The following LRAT variants were observed in gnomAD, a reference collection of about 807,000 sequenced individuals.
LRAT encodes the protein lecithin retinol acyltransferase (phosphatidylcholine--retinol O-acyltransferase).
Under a neutral mutation model 14.2 loss-of-function variants are expected in LRAT, and 11 were observed. The observed-to-expected ratio is 0.78, with a 90% CI of 0.49 to 1.29. The LOEUF (loss-of-function observed/expected upper bound fraction) is 1.29. Ranked by LOEUF, LRAT falls within the 50% of genes most tolerant of loss-of-function variation. The pLI is 0.00. For missense variants in LRAT, 274 were observed against 292.4 expected (o/e 0.94, Z 0.46); for synonymous variants, 144 against 124.8 (o/e 1.15, Z -1.03).
Position 154,749,296 on chromosome 4 carries a change from C to A in LRAT, c.*160C>A. On this transcript the variant is annotated 3_prime_UTR_variant, in exon 3 of 3. Transcript: ENST00000336356. ...TCACGCAAAGTGCTTACTGTGTAAGCCCAAGAACAAAGGCTTTCTGAATCT... is the reference window on the plus strand; with the variant it reads ...TCACGCAAAGTGCTTACTGTGTAAGACCAAGAACAAAGGCTTTCTGAATCT... The A allele has an allele frequency of 2.5e-6, 2 of 784,492 alleles. No homozygotes were observed. The highest frequency in any genetic ancestry group is 1.6e-5 in the South Asian group (1 of 63,530). The allele number at this position is 784,492 out of a possible 1,614,324, so 48.6% of individuals were successfully genotyped here.
Position 154,749,088 on chromosome 4 carries a change from T to A in LRAT, c.645T>A (p.Thr215=). ...TCTGTACGGGCTTGGTATCATACAC[T>A]ACCCTTCCTGCAATTTTTATTCCAT... ...SIVCTGLVSY[T]TLPAIFIPFF... The change falls in exon 3 of 3, where the codon ACT becomes ACA. Residue 215 remains threonine (T), a synonymous_variant. Coordinates refer to ENST00000336356, the MANE Select transcript of LRAT (RefSeq NM_004744.5). The A allele has an allele frequency of 6.2e-7, 1 of 1,613,858 alleles. No homozygotes were observed. Among genetic ancestry groups the A allele is most frequent in the Non-Finnish European group, 8.5e-7 (1 of 1,179,738 alleles).
chr4:154,745,131 G>T (rs1732860983), intron 2 of LRAT, among the ~76,000 whole-genome samples: 1 of 140,062 alleles, frequency 7.1e-6, no homozygotes, highest in Non-Finnish European at 1.5e-5. Context: ...CCATTCTCCT[G>T]CCTCAGCCTC....
intron 2 of LRAT, among the ~76,000 whole-genome samples, chr4:154,746,402 A>T (rs1415454416): frequency 2.0e-5 from 3 of 152,180 alleles, no homozygotes; most frequent in Non-Finnish European, 2.9e-5. Flanking sequence ...AGATCGGTGT[A>T]TGAAACTCCT....
At chr4:154,747,307 C>A (rs949015370) in intron 2 of LRAT, among the ~76,000 whole-genome samples, 15 of 152,230 alleles carry the variant, frequency 9.9e-5, no homozygotes, top group African/African-American at 3.4e-4. Flanking sequence ...TGTTGACAAT[C>A]AGTATTTTGT....
At chr4:154,745,143 T>C (rs563474249) in intron 2 of LRAT, among the ~76,000 whole-genome samples, 5 of 148,514 alleles carry the variant, frequency 3.4e-5, no homozygotes, top group African/African-American at 2.5e-5. Context: ...CTCAGCCTCC[T>C]GAGTAGCTGG....
Position 154,752,002 on chromosome 4 carries a change from TGTAA to T in LRAT, c.*2869_*2872del, listed in dbSNP as rs774014020. Reference sequence around the variant, plus strand: ...ACTAATTGGGGCTAAGATGAATTAATGTAAGTGTCAGATACTAGGCAGGTGTTAG... The same window carrying T: ...ACTAATTGGGGCTAAGATGAATTAATGTGTCAGATACTAGGCAGGTGTTAG... On this transcript the variant is annotated 3_prime_UTR_variant, in exon 3 of 3. Coordinates refer to ENST00000336356, the MANE Select transcript of LRAT (RefSeq NM_004744.5). 1.2e-4 allele frequency: 18 copies of T among 152,330 alleles called. No homozygotes were observed. The highest frequency in any genetic ancestry group is 3.9e-4 in the Admixed American group (6 of 15,290). The allele number at this position is 152,330 out of a possible 1,614,324, so 9.4% of individuals were successfully genotyped here.
At chr4:154,743,144 A>G (rs1382805325), upstream of LRAT, among the ~76,000 whole-genome samples, 1 of 23,512 alleles carries the variant, frequency 4.3e-5, no homozygotes, top group African/African-American at 2.6e-4. Flanking sequence ...CCCCCGCCCT[A>G]CACACACACC....
upstream of LRAT, among the ~76,000 whole-genome samples, chr4:154,741,492 C>T (rs1401846324): frequency 6.6e-6 from 1 of 152,118 alleles, no homozygotes; most frequent in Non-Finnish European, 1.5e-5. Context: ...TTATCAGAGG[C>T]AAAAATATCC....
In LRAT at chr4:154,749,188, T is replaced by TGATTGATGCTC; in HGVS notation, c.*52_*53insGATTGATGCTC. ...ATTCTGTATGTAAATATGTTTATAT[T>TGATTGATGCTC]TATAGAGCATCAATCAATATAAGCA... On this transcript the variant is annotated 3_prime_UTR_variant, in exon 3 of 3. Transcript: ENST00000336356. The TGATTGATGCTC allele has an allele frequency of 6.5e-7, 1 of 1,547,194 alleles. No individual in the cohort carries two copies. The highest frequency in any genetic ancestry group is 8.9e-7 in the Non-Finnish European group (1 of 1,119,658).
chr4:154,749,236 T>A lies in LRAT; in HGVS notation c.*100T>A. 7.8e-7 allele frequency: 1 copy of A among 1,275,266 alleles called. No individual in the cohort carries two copies. The highest frequency in any genetic ancestry group is 1.1e-6 in the Non-Finnish European group (1 of 877,734). 79.0% of individuals were successfully genotyped at this position (1,275,266 alleles called of 1,614,324 possible). A position where few individuals can be genotyped will look rare whatever the true frequency, so the allele number is the denominator to read the frequency against. The stretch of plus-strand genomic sequence containing the variant: ...GCATTATTGAGAAAAATGTGACCCG[T>A]AACACTGTGTTCTGGATAAAAATGT... On this transcript the variant is annotated 3_prime_UTR_variant, in exon 3 of 3. Coordinates refer to ENST00000336356, the MANE Select transcript of LRAT (RefSeq NM_004744.5).
chr4:154,744,576 G>T lies in LRAT; in HGVS notation c.250G>T (p.Asp84Tyr), dbSNP rs1306013714. 1 of 1,614,002 alleles carries T rather than the reference G, an allele frequency of 6.2e-7. No individual in the cohort carries two copies. The highest frequency in any genetic ancestry group is 1.3e-5 in the African/African-American group (1 of 74,906). ...MPDILLALTDDMGRTQKVVSN... is the reference protein window; with the variant it reads ...MPDILLALTDYMGRTQKVVSN... The stretch of plus-strand genomic sequence containing the variant: ...CGACATCCTGTTGGCCCTGACAGAC[G>T]ACATGGGGCGCACGCAGAAGGTGGT... Residue 84 changes from aspartate (D) to tyrosine (Y), a missense_variant, in exon 2 of 3, where the codon GAC (aspartate) becomes TAC (tyrosine). By Grantham distance (160) the Asp-to-Tyr change is radical. Transcript: ENST00000336356.
At chr4:154,743,239 G>A (rs1008386778), upstream of LRAT, among the ~76,000 whole-genome samples, 1 of 151,580 alleles carries the variant, frequency 6.6e-6, no homozygotes, top group Non-Finnish European at 1.5e-5. Flanking sequence ...TAATCCCAGC[G>A]GTTTGGGAGG....
chr4:154,751,796 C>T lies in LRAT; in HGVS notation c.*2660C>T, dbSNP rs900200580. ...GAAACCCTGAGCCATTAATGTGTCT[C>T]GTAACTTGAGGAAGTTCATGAATTC... On this transcript the variant is annotated 3_prime_UTR_variant, in exon 3 of 3. Transcript: ENST00000336356. The T allele has an allele frequency of 4.1e-5, 6 of 145,888 alleles. No homozygotes were observed. Among genetic ancestry groups the T allele is most frequent in the Admixed American group, 2.7e-4 (4 of 14,570 alleles). The allele number at this position is 145,888 out of a possible 1,614,324, so 9.0% of individuals were successfully genotyped here. A position where few individuals can be genotyped will look rare whatever the true frequency, so the allele number is the denominator to read the frequency against.
Position 154,744,586 on chromosome 4 carries a change from G to C in LRAT, c.260G>C (p.Arg87Pro). The C allele has an allele frequency of 6.2e-7, 1 of 1,614,078 alleles. No homozygotes were observed. Among genetic ancestry groups the C allele is most frequent in the South Asian group, 1.1e-5 (1 of 91,070 alleles). ...ILLALTDDMG[R>P]TQKVVSNKRL... ...TTGGCCCTGACAGACGACATGGGGCGCACGCAGAAGGTGGTCTCCAACAAG... is the reference window on the plus strand; with the variant it reads ...TTGGCCCTGACAGACGACATGGGGCCCACGCAGAAGGTGGTCTCCAACAAG... Residue 87 changes from arginine to proline, a missense_variant, in exon 2 of 3, where the codon CGC (arginine) becomes CCC (proline). Transcript: ENST00000336356.
intron 2 of LRAT, 147 bp downstream of exon 2, chr4:154,745,013 T>TCCA: frequency 2.3e-6 from 1 of 442,842 alleles, no homozygotes; most frequent in African/African-American, 4.0e-5. Flanking sequence ...TTCCTTTTTT[T>TCCA]TTTTTTTTTT....
At position 154,749,967 on chromosome 4, in the gene LRAT, TGA is replaced by T. The variant is rs975571998; in HGVS notation, c.*836_*837del. ...TGTAGATAGTCACATATACACAGAC[TGA>T]GAGATAAATTGTTCTTGATTGCTTT... On this transcript the variant is annotated 3_prime_UTR_variant, in exon 3 of 3. Transcript: ENST00000336356. 5.3e-5 allele frequency: 8 copies of T among 152,218 alleles called. No individual in the cohort carries two copies. The highest frequency in any genetic ancestry group is 1.9e-4 in the African/African-American group (8 of 41,460). The allele number at this position is 152,218 out of a possible 1,614,324, so 9.4% of individuals were successfully genotyped here. A position where few individuals can be genotyped will look rare whatever the true frequency, so the allele number is the denominator to read the frequency against.
chr4:154,741,089 A>C (rs934885063), upstream of LRAT, among the ~76,000 whole-genome samples: 2 of 152,008 alleles, frequency 1.3e-5, no homozygotes, highest in Non-Finnish European at 2.9e-5. Context: ...GTGTGCCTCC[A>C]GGGAGCCATT....
At chr4:154,743,771 A>G (rs1732813004), upstream of LRAT, among the ~76,000 whole-genome samples, 1 of 152,008 alleles carries the variant, frequency 6.6e-6, no homozygotes, top group South Asian at 2.1e-4. Flanking sequence ...TAGGCCACTT[A>G]AAAGCCAGTA....
At chr4:154,743,999 C>A (rs545258220), upstream of LRAT, 84 of 373,400 alleles carry the variant, frequency 2.2e-4, 1 homozygote, top group Middle Eastern at 1.7e-3. Context: ...CCTGCACCTC[C>A]GAGCACCGCG....
Sources: allele counts gnomAD v4.1 joint callset (sites outside exome capture counted in the v4.1 genomes callset), GRCh38; gene constraint gnomAD v4.1.1; transcripts MANE v1.5; gene names NCBI Gene and HGNC (gene_info 2026-07-23, HGNC 2026-07-21).